HS3ST3B1: variants seen among roughly 807,000 people sequenced by gnomAD.
HS3ST3B1 encodes heparan sulfate glucosamine 3-O-sulfotransferase 3B1.
A neutral mutation model predicts 21.3 loss-of-function variants in HS3ST3B1; 13 were observed. The observed-to-expected ratio is 0.61, with a 90% CI of 0.40 to 0.97. The LOEUF is 0.97. Among genes scored for constraint, HS3ST3B1 ranks in the 50% least tolerant of loss-of-function variants. HS3ST3B1 has a pLI of 0.00. For missense variants in HS3ST3B1, 459 were observed against 554.8 expected, an observed-to-expected ratio of 0.83 and a Z score of 1.73; for synonymous variants, 234 against 254.8, an observed-to-expected ratio of 0.92 and a Z score of 0.78.
chr17:14,349,113 G>A lies in HS3ST3B1; in HGVS notation c.*3467G>A, dbSNP rs576742915. Reference sequence around the variant, plus strand: ...AATGTGACTTTTCAGCTTATCAAGAGGATGGCCAATAAAACTTAAAGGTGT... The same window carrying A: ...AATGTGACTTTTCAGCTTATCAAGAAGATGGCCAATAAAACTTAAAGGTGT... On this transcript the variant is annotated 3_prime_UTR_variant, in exon 2 of 2. Coordinates refer to ENST00000360954, the MANE Select transcript of HS3ST3B1 (RefSeq NM_006041.3). The A allele has an allele frequency of 7.0e-4, 107 of 152,280 alleles. 1 individual carries two copies. Among genetic ancestry groups the A allele is most frequent in the African/African-American group, 2.5e-3 (105 of 41,560 alleles). 9.4% of individuals were successfully genotyped at this position (152,280 alleles called of 1,614,324 possible).
intron 1 of HS3ST3B1, among the ~76,000 whole-genome samples, chr17:14,331,853 A>T (rs1180539774): frequency 6.6e-6 from 1 of 152,176 alleles, no homozygotes; most frequent in Admixed American, 6.5e-5. Context: ...GTTCTCAGAA[A>T]GGGTGGCTTT....
chr17:14,315,856 A>G (rs997331483), intron 1 of HS3ST3B1, among the ~76,000 whole-genome samples: 13 of 152,130 alleles, frequency 8.5e-5, no homozygotes, highest in African/African-American at 2.9e-4. Context: ...GAGGGTAGAA[A>G]AAAAGAGTTC....
At position 14,327,048 on chromosome 17, in the gene HS3ST3B1, G is replaced by C. The variant is rs139250579; in HGVS notation, c.555-17980G>C. Reference sequence around the variant, plus strand: ...CAAGTGTATAATATCTCTTGACTGTGTCTGGAATTTCTCTCAACATAAACG... The same window carrying C: ...CAAGTGTATAATATCTCTTGACTGTCTCTGGAATTTCTCTCAACATAAACG... On this transcript the variant is annotated intron_variant, in intron 1 of 1. Coordinates refer to ENST00000360954, the MANE Select transcript of HS3ST3B1 (RefSeq NM_006041.3). Among the ~76,000 whole-genome samples the C allele has an allele frequency of 2.6e-4, 39 of 151,726 alleles. No individual in the cohort carries two copies. In the East Asian group the frequency reaches 7.0e-3, roughly 27 times the overall value.
intron 1 of HS3ST3B1, among the ~76,000 whole-genome samples, chr17:14,339,730 A>G (rs1196435059): frequency 3.3e-5 from 5 of 152,200 alleles, no homozygotes; most frequent in Non-Finnish European, 5.9e-5. Context: ...ACTGGTTTTC[A>G]TAATGAGTGA....
chr17:14,337,735 C>T (rs964048020), intron 1 of HS3ST3B1, among the ~76,000 whole-genome samples: 6 of 151,526 alleles, frequency 4.0e-5, no homozygotes, highest in East Asian at 1.9e-4. Context: ...GGCAGCTGAG[C>T]GTGTGACCTT....
chr17:14,325,389 C>A (rs960444144), intron 1 of HS3ST3B1, among the ~76,000 whole-genome samples: 4 of 152,184 alleles, frequency 2.6e-5, no homozygotes, highest in African/African-American at 9.7e-5. Context: ...CAAAAGAATA[C>A]AAATTTACTT....
At chr17:14,319,271 G>T (rs1173710192) in intron 1 of HS3ST3B1, among the ~76,000 whole-genome samples, 1 of 152,180 alleles carries the variant, frequency 6.6e-6, no homozygotes, top group Non-Finnish European at 1.5e-5. Flanking sequence ...GTGCTGTTTT[G>T]TCTCCATTAT....
chr17:14,324,551 A>C (rs930114117), intron 1 of HS3ST3B1, among the ~76,000 whole-genome samples: 10 of 151,982 alleles, frequency 6.6e-5, no homozygotes, highest in Admixed American at 2.0e-4. Flanking sequence ...CTTCTTTTAC[A>C]TCCCCACTGT....
intron 1 of HS3ST3B1, among the ~76,000 whole-genome samples, chr17:14,316,705 T>TA (rs538632774): frequency 4.6e-4 from 70 of 152,256 alleles, no homozygotes; most frequent in African/African-American, 1.6e-3. Context: ...AATAACTTTT[T>TA]AAAAAAATGC....
chr17:14,335,947 A>C (rs1330494158), intron 1 of HS3ST3B1, among the ~76,000 whole-genome samples: 2 of 152,236 alleles, frequency 1.3e-5, no homozygotes, highest in Non-Finnish European at 2.9e-5. Flanking sequence ...CTGGACACCA[A>C]GAATGATTTT....
At chr17:14,308,594 G>C (rs994490236) in intron 1 of HS3ST3B1, among the ~76,000 whole-genome samples, 1 of 152,150 alleles carries the variant, frequency 6.6e-6, no homozygotes, top group South Asian at 2.1e-4. Flanking sequence ...AAAGAGTACT[G>C]TCCGAGAGGA....
At chr17:14,331,466 A>T (rs1910009744) in intron 1 of HS3ST3B1, among the ~76,000 whole-genome samples, 2 of 151,910 alleles carry the variant, frequency 1.3e-5, no homozygotes, top group South Asian at 4.2e-4. Context: ...TCATTTTCTG[A>T]GCAGTATTGA....
chr17:14,312,304 G>C (rs1163699675), intron 1 of HS3ST3B1, among the ~76,000 whole-genome samples: 2 of 152,122 alleles, frequency 1.3e-5, no homozygotes, highest in African/African-American at 4.8e-5. Context: ...TAAGGAAGAA[G>C]GGAACGACTC....
At chr17:14,326,774 A>G (rs922068079) in intron 1 of HS3ST3B1, among the ~76,000 whole-genome samples, 1 of 151,984 alleles carries the variant, frequency 6.6e-6, no homozygotes, top group African/African-American at 2.4e-5. Flanking sequence ...CAAAAAAACT[A>G]GCTGGACGTG....
chr17:14,344,596 G>T (rs1170676169), intron 1 of HS3ST3B1, among the ~76,000 whole-genome samples: 3 of 152,174 alleles, frequency 2.0e-5, no homozygotes, highest in Non-Finnish European at 4.4e-5. Flanking sequence ...TTTGGTAAGT[G>T]TGAGAAGGCA....
chr17:14,337,872 C>T (rs1222141149), intron 1 of HS3ST3B1, among the ~76,000 whole-genome samples: 1 of 151,690 alleles, frequency 6.6e-6, no homozygotes, highest in Non-Finnish European at 1.5e-5. Flanking sequence ...CATAGTATCT[C>T]CACTTAGGTG....
At chr17:14,304,764 T>G (rs59145888) in intron 1 of HS3ST3B1, 1 of 152,256 alleles carries the variant, frequency 6.6e-6, no homozygotes, top group African/African-American at 2.4e-5. Flanking sequence ...AGAAACCTAG[T>G]TAAAACAAGT....
At chr17:14,311,979 G>A (rs1909319319) in intron 1 of HS3ST3B1, among the ~76,000 whole-genome samples, 1 of 152,182 alleles carries the variant, frequency 6.6e-6, no homozygotes, top group Non-Finnish European at 1.5e-5. Flanking sequence ...TAAGGAGGAA[G>A]CAGAAGCATG....
At chr17:14,324,512 A>G (rs754351602) in intron 1 of HS3ST3B1, among the ~76,000 whole-genome samples, 8 of 152,134 alleles carry the variant, frequency 5.3e-5, no homozygotes, top group Non-Finnish European at 8.8e-5. Context: ...TAGCTTCCTG[A>G]GTAGCAAAAT....
Sources: gnomAD v4.1 joint callset for allele counts (sites outside exome capture counted in the v4.1 genomes callset) on GRCh38, gnomAD v4.1.1 for gene constraint, MANE v1.5 for transcripts, NCBI Gene and HGNC (gene_info 2026-07-23, HGNC 2026-07-21) for gene names.